FLACC1: variants seen among roughly 807,000 people sequenced by gnomAD.
The protein encoded by FLACC1 is flagellum associated containing coiled-coil domains 1.
A neutral mutation model predicts 62.8 loss-of-function variants in FLACC1; 66 were observed. The observed-to-expected ratio is 1.05, with a 90% CI of 0.86 to 1.29. The LOEUF is 1.29. Ranked by LOEUF, FLACC1 falls within the 50% of genes most tolerant of loss-of-function variation. The probability of loss-of-function intolerance (pLI) is 0.00; values close to 1 mark genes in which losing one functional copy is unlikely to be tolerated. For synonymous variants in FLACC1, 156 were observed against 161.0 expected, an observed-to-expected ratio of 0.97 and a Z score of 0.24; for missense variants, 452 against 489.1, an observed-to-expected ratio of 0.92 and a Z score of 0.71.
intron 2 of FLACC1, 88 bp from the exon 3 acceptor site, chr2:201,350,870 G>A: frequency 8.7e-7 from 1 of 1,154,762 alleles, no homozygotes; most frequent in African/African-American, 1.6e-5. Flanking sequence ...CATCCCTATA[G>A]TGACCCAAAA....
intron 7 of FLACC1, among the ~76,000 whole-genome samples, chr2:201,332,825 C>T (rs1369067418): frequency 1.3e-5 from 2 of 151,526 alleles, no homozygotes; most frequent in East Asian, 3.9e-4. Context: ...CTTCCTGTGC[C>T]CGGTTTATTT....
chr2:201,346,672 C>A lies in FLACC1; in HGVS notation c.238G>T (p.Val80Leu). 6.2e-7 allele frequency: 1 copy of A among 1,614,150 alleles called. No individual in the cohort carries two copies. Among genetic ancestry groups the A allele is most frequent in the Non-Finnish European group, 8.5e-7 (1 of 1,180,034 alleles). ...QEETNKSFYE[V>L]INVSPGYQLV... Reference sequence around the variant, plus strand: ...TGATAGCCAGGTGACACGTTGATCACTTCCTAGGCATCAAGGGAAAGTAAG... The same window carrying A: ...TGATAGCCAGGTGACACGTTGATCAATTCCTAGGCATCAAGGGAAAGTAAG... The change falls in exon 5 of 15, where the codon GTG becomes TTG. Residue 80 changes from valine (V) to leucine (L), a missense_variant. Around this residue, in one of 3 missense-constraint regions of FLACC1, gnomAD observed 147 missense variants for 152.7 expected, o/e 0.96. Coordinates refer to ENST00000392257, the MANE Select transcript of FLACC1 (RefSeq NM_001127391.3). The surrounding 1 kb of genome is among the most constrained non-coding windows in gnomAD (Gnocchi z 4.0).
chr2:201,299,356 G>C, intron 11 of FLACC1, 56 bp from the exon 12 acceptor site: 1 of 1,451,140 alleles, frequency 6.9e-7, no homozygotes, highest in Non-Finnish European at 9.6e-7. Context: ...ACATCTTCTA[G>C]GGAGTTAAGA....
intron 9 of FLACC1, among the ~76,000 whole-genome samples, chr2:201,323,406 C>G (rs1474279708): frequency 1.3e-5 from 2 of 152,120 alleles, no homozygotes; most frequent in Admixed American, 1.3e-4. Flanking sequence ...CAGCAGAAAC[C>G]TTACAAGCCA....
In FLACC1 at chr2:201,326,417, A is replaced by T. The variant is rs907930590; in HGVS notation, c.675+4053T>A. Among the ~76,000 whole-genome samples the T allele has an allele frequency of 6.6e-6, 1 of 152,220 alleles. No individual in the cohort carries two copies. The highest frequency in any genetic ancestry group is 1.5e-5 in the Non-Finnish European group (1 of 68,034). On this transcript the variant is annotated intron_variant, in intron 9 of 14. Transcript: ENST00000392257. This position sits in a 1 kb window ranked among gnomAD's most constrained non-coding sequence, Gnocchi z 4.1. The stretch of plus-strand genomic sequence containing the variant: ...AGATTATATAATTGTATACCTAGAA[A>T]ATCCTAAAGACTCCTCCAAAGACTC...
intron 1 of FLACC1, chr2:201,352,090 G>C (rs777439129): frequency 6.6e-6 from 1 of 152,212 alleles, no homozygotes; most frequent in Non-Finnish European, 1.5e-5. Context: ...GAGACTCAGA[G>C]AAGTCACGGC....
intron 12 of FLACC1, among the ~76,000 whole-genome samples, chr2:201,292,044 G>A (rs1241097936): frequency 8.6e-5 from 13 of 151,270 alleles, no homozygotes; most frequent in Admixed American, 4.6e-4. Context: ...CCAAATCTAC[G>A]TCTGATTGGT....
chr2:201,351,772 C>T (rs1305442400), intron 1 of FLACC1: 8 of 188,660 alleles, frequency 4.2e-5, no homozygotes, highest in Non-Finnish European at 6.7e-5. Flanking sequence ...GGTGAAACCC[C>T]GTCTCTACTG....
At chr2:201,296,390 T>C (rs1949862596) in intron 12 of FLACC1, among the ~76,000 whole-genome samples, 1 of 151,952 alleles carries the variant, frequency 6.6e-6, no homozygotes, top group Non-Finnish European at 1.5e-5. Context: ...GAAACCATCA[T>C]TCTGAGCAAA....
chr2:201,336,197 C>T (rs1190285875), intron 7 of FLACC1, among the ~76,000 whole-genome samples: 2 of 152,142 alleles, frequency 1.3e-5, no homozygotes, highest in Admixed American at 1.3e-4. Context: ...GTCTATTGCT[C>T]TCTTCTTTGT....
Position 201,333,119 on chromosome 2 carries a change from G to T in FLACC1, c.525-2286C>A, listed in dbSNP as rs1291924739. On this transcript the variant is annotated intron_variant, in intron 7 of 14. Coordinates refer to ENST00000392257, the MANE Select transcript of FLACC1 (RefSeq NM_001127391.3). ...ATGGTATTACTATTTTTAGTTTTTT[G>T]AGCAACCTCTATACAGTTTTCCATA... Among the ~76,000 whole-genome samples the T allele has an allele frequency of 2.0e-5, 3 of 152,090 alleles. No homozygotes were observed. In the East Asian group the frequency reaches 5.8e-4, roughly 29 times the overall value.
chr2:201,349,111 G>A (rs1053847925), intron 3 of FLACC1, among the ~76,000 whole-genome samples: 2 of 152,208 alleles, frequency 1.3e-5, no homozygotes, highest in African/African-American at 2.4e-5. Context: ...GTATTAGGGT[G>A]TAGACGTCCT....
chr2:201,314,796 G>A (rs1950280017), intron 9 of FLACC1, among the ~76,000 whole-genome samples: 1 of 151,992 alleles, frequency 6.6e-6, no homozygotes, highest in South Asian at 2.1e-4. Context: ...AAAGCACCAG[G>A]TAACCTGTAA....
At position 201,351,384 on chromosome 2, in the gene FLACC1, G is replaced by A; in HGVS notation, c.21C>T (p.Ile7=). The change falls in exon 2 of 15, where the codon ATC becomes ATT. Residue 7 remains isoleucine, a synonymous_variant. Coordinates refer to ENST00000392257, the MANE Select transcript of FLACC1 (RefSeq NM_001127391.3). ...TCCAGGGGTCCCAGCAGGTGCAGTA[G>A]ATGAGAGGGTTGGGGTACATGGCCA... The part of the protein sequence containing the change: MYPNPL[I]YCTCWDPWNL... 6.2e-7 allele frequency: 1 copy of A among 1,614,028 alleles called. No individual in the cohort carries two copies. Among genetic ancestry groups the A allele is most frequent in the Non-Finnish European group, 8.5e-7 (1 of 1,179,988 alleles).
chr2:201,291,911 G>T (rs1949745621), intron 12 of FLACC1, among the ~76,000 whole-genome samples: 1 of 152,158 alleles, frequency 6.6e-6, no homozygotes, highest in African/African-American at 2.4e-5. Context: ...CGATCAACTG[G>T]AAGAAAGGGT....
At chr2:201,288,848 A>G (rs1255567348) in intron 14 of FLACC1, 67 bp from the exon 15 acceptor site, 1 of 1,559,718 alleles carries the variant, frequency 6.4e-7, no homozygotes, top group African/African-American at 1.4e-5. Context: ...GGATATTTGG[A>G]GTGCAGGGAG....
upstream of FLACC1, among the ~76,000 whole-genome samples, chr2:201,361,777 T>TA (rs1951187846): frequency 6.6e-6 from 1 of 152,230 alleles, no homozygotes; most frequent in Non-Finnish European, 1.5e-5. Flanking sequence ...TTGAACAACT[T>TA]AGTGATTTTT....
upstream of FLACC1, among the ~76,000 whole-genome samples, chr2:201,359,338 G>A (rs1951164990): frequency 6.6e-6 from 1 of 152,172 alleles, no homozygotes; most frequent in Admixed American, 6.5e-5. Flanking sequence ...GTCTGTTAGA[G>A]TTTCTTACAT....
intron 10 of FLACC1, among the ~76,000 whole-genome samples, chr2:201,308,760 A>T (rs1388952078): frequency 6.6e-6 from 1 of 152,166 alleles, no homozygotes; most frequent in Admixed American, 6.5e-5. Context: ...TGTTGTTCCT[A>T]TCTGCCCCCT....
Sources: gnomAD v4.1 joint callset for allele counts (sites outside exome capture counted in the v4.1 genomes callset) on GRCh38, gnomAD v4.1.1 for gene constraint, gnomAD v4.1.1 regional missense constraint, Gnocchi (gnomAD v3.1) non-coding constraint, MANE v1.5 for transcripts, NCBI Gene and HGNC (gene_info 2026-07-23, HGNC 2026-07-21) for gene names.